Variants in RBFOX3 observed in about 807,000 individuals in gnomAD.
The protein encoded by RBFOX3 is RNA binding protein fox-1 homolog 3.
Under a neutral mutation model 48.7 loss-of-function variants are expected in RBFOX3, and 17 were observed. That is an observed-to-expected ratio of 0.35 (90% CI 0.24 to 0.52). RBFOX3 has a LOEUF of 0.52. RBFOX3 is among the 20% of genes least tolerant of loss of function. The pLI, the probability that RBFOX3 is intolerant of heterozygous loss-of-function variation, is 0.94. For synonymous variants in RBFOX3, 212 were observed against 209.5 expected (o/e 1.01, Z -0.10); for missense variants, 382 against 497.5 (o/e 0.77, Z 2.21).
In RBFOX3 at chr17:79,417,305, G is replaced by A. The variant is rs1304371858; in HGVS notation, c.-175+65149C>T. Among the ~76,000 whole-genome samples the A allele has an allele frequency of 2.6e-5, 4 of 152,188 alleles. No homozygotes were observed. The East Asian group carries it at 5.8e-4, about 22-fold the overall frequency. On this transcript the variant is annotated intron_variant, in intron 2 of 14. Coordinates refer to ENST00000693108, the MANE Select transcript of RBFOX3 (RefSeq NM_001350451.2). Reference sequence around the variant, plus strand: ...GCAGAATACTCACTCCTGCTCAGGGGTGCCTCAGCTGAAGCTCTCAGGAAA... The same window carrying A: ...GCAGAATACTCACTCCTGCTCAGGGATGCCTCAGCTGAAGCTCTCAGGAAA...
At chr17:79,565,568 T>C (rs1013422971) in intron 1 of RBFOX3, among the ~76,000 whole-genome samples, 1 of 152,184 alleles carries the variant, frequency 6.6e-6, no homozygotes, top group Admixed American at 6.5e-5. Flanking sequence ...CTCGAACCCC[T>C]GACCGCAATT....
At chr17:79,536,281 T>C (rs1419203476) in intron 1 of RBFOX3, among the ~76,000 whole-genome samples, 1 of 152,226 alleles carries the variant, frequency 6.6e-6, no homozygotes, top group African/African-American at 2.4e-5. Context: ...TTTCACCATG[T>C]GGGCCAGGCT....
chr17:79,587,077 G>A (rs1464755521), intron 1 of RBFOX3, among the ~76,000 whole-genome samples: 5 of 152,166 alleles, frequency 3.3e-5, no homozygotes, highest in East Asian at 1.9e-4. Flanking sequence ...ATAACTGGCC[G>A]GTCCCAAGAA....
chr17:79,129,624 T>C (rs939691906), intron 4 of RBFOX3, among the ~76,000 whole-genome samples: 5 of 152,200 alleles, frequency 3.3e-5, no homozygotes, highest in African/African-American at 9.6e-5. Flanking sequence ...GAGGACACCA[T>C]AGCCTCTGTA....
chr17:79,287,397 T>C (rs1050629141), intron 3 of RBFOX3, among the ~76,000 whole-genome samples: 1 of 152,142 alleles, frequency 6.6e-6, no homozygotes, highest in African/African-American at 2.4e-5. Flanking sequence ...TCGTTTTTCC[T>C]CTTGAGTAGG....
chr17:79,660,140 TAAC>T, the RBFOX3 span, among the ~76,000 whole-genome samples: 3 of 152,108 alleles, frequency 2.0e-5, no homozygotes, highest in Admixed American at 6.5e-5. Context: ...TAAGCCAAGA[TAAC>T]ACCACTGCGT....
intron 2 of RBFOX3, among the ~76,000 whole-genome samples, chr17:79,400,467 A>G (rs1598527379): frequency 6.6e-6 from 1 of 152,188 alleles, no homozygotes; most frequent in Non-Finnish European, 1.5e-5. Context: ...TAGTGACCTC[A>G]TCTTTACCTG....
At chr17:79,426,028 G>A (rs2067309859) in intron 2 of RBFOX3, among the ~76,000 whole-genome samples, 1 of 152,102 alleles carries the variant, frequency 6.6e-6, no homozygotes, top group Non-Finnish European at 1.5e-5. Context: ...AGAGAGCAAG[G>A]CTGCGGGACT....
chr17:79,622,060 T>C, the RBFOX3 span, among the ~76,000 whole-genome samples: 11 of 152,258 alleles, frequency 7.2e-5, no homozygotes, highest in African/African-American at 2.6e-4. Flanking sequence ...CTTTCAAAAG[T>C]AGGGCTTTTC....
At chr17:79,641,015 G>C in the RBFOX3 span, among the ~76,000 whole-genome samples, 1 of 152,134 alleles carries the variant, frequency 6.6e-6, no homozygotes, top group Non-Finnish European at 1.5e-5. Flanking sequence ...GGGTGAAAAG[G>C]AAAGCTATAG....
intron 2 of RBFOX3, among the ~76,000 whole-genome samples, chr17:79,356,386 TGAG>T (rs945539480): frequency 1.9e-5 from 2 of 103,732 alleles, no homozygotes; most frequent in African/African-American, 7.9e-5. Context: ...TTTTTTTTTT[TGAG>T]GAGGAGTCTC....
intron 1 of RBFOX3, among the ~76,000 whole-genome samples, chr17:79,550,989 G>T (rs2091089663): frequency 6.6e-6 from 1 of 152,264 alleles, no homozygotes; most frequent in Non-Finnish European, 1.5e-5. Context: ...GCACTGTCCA[G>T]TGTGGTAGCC....
At chr17:79,627,425 G>A in the RBFOX3 span, among the ~76,000 whole-genome samples, 4 of 152,214 alleles carry the variant, frequency 2.6e-5, no homozygotes, top group East Asian at 3.8e-4. Flanking sequence ...CCTGGGAGCC[G>A]GGCTCAGCTC....
In RBFOX3 at chr17:79,486,661, G is replaced by A. The variant is rs2079651728; in HGVS notation, c.-319-4063C>T. On this transcript the variant is annotated intron_variant, in intron 1 of 14. Coordinates refer to ENST00000693108, the MANE Select transcript of RBFOX3 (RefSeq NM_001350451.2). ...CCCCCAAATAATAAAGGAGTCCAGG[G>A]AGAGGCTTAAGCATCCCCAGAAGGC... Among the ~76,000 whole-genome samples, 3 of 152,296 alleles carry A rather than the reference G, an allele frequency of 2.0e-5. No individual in the cohort carries two copies. In the South Asian group the frequency reaches 6.2e-4, roughly 32 times the overall value.
chr17:79,547,718 G>A lies in RBFOX3; in HGVS notation c.-320+63108C>T, dbSNP rs377409975. Among the ~76,000 whole-genome samples, 10 of 152,328 alleles carry A rather than the reference G, an allele frequency of 6.6e-5. No individual in the cohort carries two copies. In the East Asian group the frequency reaches 1.7e-3, roughly 26 times the overall value. Reference sequence around the variant, plus strand: ...CCAGGGGCTGCCGTCCAGCACCTGCGGAGACCAGTGGAGCAGGCTGGGGGA... The same window carrying A: ...CCAGGGGCTGCCGTCCAGCACCTGCAGAGACCAGTGGAGCAGGCTGGGGGA... On this transcript the variant is annotated intron_variant, in intron 1 of 14. Transcript: ENST00000693108.
intron 4 of RBFOX3, among the ~76,000 whole-genome samples, chr17:79,121,119 A>G (rs1417540482): frequency 6.6e-6 from 1 of 151,794 alleles, no homozygotes; most frequent in Non-Finnish European, 1.5e-5. Context: ...CAACATCCAC[A>G]TTCACCTGCC....
At chr17:79,439,498 G>A (rs1452486104) in intron 2 of RBFOX3, among the ~76,000 whole-genome samples, 1 of 152,232 alleles carries the variant, frequency 6.6e-6, no homozygotes, top group Non-Finnish European at 1.5e-5. Context: ...GTGGACTCAG[G>A]ATTTTGAGAA....
Position 79,094,472 on chromosome 17 carries a change from C to T in RBFOX3, c.1056G>A (p.Ala352=), listed in dbSNP as rs1228682560. ...TTACCATGGTTCCAATGCTGTAGGT[C>T]GCCGCGGGCCCGATGGTGTGATGGT... ...DPYHHTIGPA[A]TYSIGTM The change falls in exon 14 of 15, where the codon GCG becomes GCA. Residue 352 remains alanine (A), a synonymous_variant. Coordinates refer to ENST00000693108, the MANE Select transcript of RBFOX3 (RefSeq NM_001350451.2). 33 of 1,476,142 alleles carry T rather than the reference C, an allele frequency of 2.2e-5. No homozygotes were observed. Among genetic ancestry groups the T allele is most frequent in the Admixed American group, 7.9e-5 (3 of 38,210 alleles). The allele number at this position is 1,476,142 out of a possible 1,614,324, so 91.4% of individuals were successfully genotyped here. A position where few individuals can be genotyped will look rare whatever the true frequency, so the allele number is the denominator to read the frequency against.
intron 2 of RBFOX3, among the ~76,000 whole-genome samples, chr17:79,383,362 C>T (rs1018056381): frequency 2.6e-5 from 4 of 152,252 alleles, no homozygotes; most frequent in South Asian, 4.1e-4. Flanking sequence ...AAGGCACCCT[C>T]CACCACCCCA....
Sources: allele counts gnomAD v4.1 joint callset (sites outside exome capture counted in the v4.1 genomes callset), GRCh38; gene constraint gnomAD v4.1.1; transcripts MANE v1.5; gene names NCBI Gene and HGNC (gene_info 2026-07-23, HGNC 2026-07-21).